The following STPG2 variants were observed in gnomAD, a reference collection of about 807,000 sequenced individuals.
STPG2 encodes the protein sperm tail PG-rich repeat containing 2.
Under a neutral mutation model 54.2 loss-of-function variants are expected in STPG2, and 56 were observed. The observed-to-expected ratio is 1.03, with a 90% CI of 0.83 to 1.29. The LOEUF is 1.29. Ranked by LOEUF, STPG2 falls within the 50% of genes most tolerant of loss-of-function variation. The pLI, the probability that STPG2 is intolerant of heterozygous loss-of-function variation, is 0.00. For synonymous variants in STPG2, 200 were observed against 181.8 expected (o/e 1.10, Z -0.81); for missense variants, 596 against 544.9 (o/e 1.09, Z -0.93).
At chr4:97,905,074 G>A (rs1428747400) in intron 8 of STPG2, among the ~76,000 whole-genome samples, 1 of 151,866 alleles carries the variant, frequency 6.6e-6, no homozygotes, top group African/African-American at 2.4e-5. Context: ...TAGCAAGGCA[G>A]GCCAACATTC....
intron 9 of STPG2, among the ~76,000 whole-genome samples, chr4:97,740,269 C>T (rs918996314): frequency 2.0e-5 from 3 of 152,158 alleles, no homozygotes; most frequent in African/African-American, 7.2e-5. Flanking sequence ...ACTGAATGGG[C>T]AAAAACTGGA....
At chr4:97,784,076 A>G (rs1392249383) in intron 9 of STPG2, among the ~76,000 whole-genome samples, 3 of 151,848 alleles carry the variant, frequency 2.0e-5, no homozygotes, top group South Asian at 2.1e-4. Flanking sequence ...ATTAAAAAAA[A>G]AAAAAGAAAA....
chr4:97,563,001 A>C (rs1441781456), intron 10 of STPG2, among the ~76,000 whole-genome samples: 1 of 152,176 alleles, frequency 6.6e-6, no homozygotes, highest in Non-Finnish European at 1.5e-5. Context: ...TGATAGGAAT[A>C]GTTTCAGAAG....
chr4:97,512,527 A>G (rs1199369304), intron 4 of STPG2, among the ~76,000 whole-genome samples: 1 of 151,944 alleles, frequency 6.6e-6, no homozygotes. Flanking sequence ...TTGTGTTTGA[A>G]GTATGTGAGT....
chr4:97,826,957 C>A (rs942598812), intron 9 of STPG2, among the ~76,000 whole-genome samples: 1 of 152,018 alleles, frequency 6.6e-6, no homozygotes, highest in Non-Finnish European at 1.5e-5. Context: ...TGTTTTGGTC[C>A]CCTTCAAAAG....
intron 8 of STPG2, among the ~76,000 whole-genome samples, chr4:97,890,396 T>G (rs1466038734): frequency 6.6e-6 from 1 of 151,960 alleles, no homozygotes; most frequent in Non-Finnish European, 1.5e-5. Context: ...AAAAGCATGC[T>G]AGCAAAAGAA....
intron 5 of STPG2, among the ~76,000 whole-genome samples, chr4:98,085,852 A>G (rs566888922): frequency 2.8e-4 from 43 of 152,206 alleles, no homozygotes; most frequent in African/African-American, 1.0e-3. Flanking sequence ...GGGTTCTTCA[A>G]GAGTATTAAA....
chr4:97,771,580 G>A (rs1272531666), intron 9 of STPG2, among the ~76,000 whole-genome samples: 5 of 152,316 alleles, frequency 3.3e-5, no homozygotes, highest in South Asian at 2.1e-4. Flanking sequence ...CTAGGCACGT[G>A]AGCATGTAGA....
chr4:97,829,529 G>A (rs1290285982), intron 9 of STPG2, among the ~76,000 whole-genome samples: 2 of 152,132 alleles, frequency 1.3e-5, no homozygotes, highest in African/African-American at 2.4e-5. Flanking sequence ...TGAGTTTGAT[G>A]AATTGACGGA....
chr4:97,671,445 C>T (rs1722692029), intron 10 of STPG2, among the ~76,000 whole-genome samples: 1 of 152,170 alleles, frequency 6.6e-6, no homozygotes, highest in Non-Finnish European at 1.5e-5. Flanking sequence ...CAGTGCTTCC[C>T]AGCAATAAAA....
intron 4 of STPG2, among the ~76,000 whole-genome samples, chr4:97,537,189 C>G (rs1002891934): frequency 6.6e-6 from 1 of 152,088 alleles, no homozygotes; most frequent in South Asian, 2.1e-4. Flanking sequence ...ACCTGTCGGA[C>G]AGTGGGTGCA....
chr4:97,857,944 C>G (rs959230830), intron 8 of STPG2, among the ~76,000 whole-genome samples: 2 of 151,494 alleles, frequency 1.3e-5, no homozygotes, highest in African/African-American at 4.8e-5. Context: ...ATTGATCAAG[C>G]AGAAGGAAAA....
intron 7 of STPG2, among the ~76,000 whole-genome samples, chr4:97,958,377 G>A (rs1228537822): frequency 1.3e-5 from 2 of 151,716 alleles, no homozygotes; most frequent in East Asian, 1.9e-4. Context: ...AAATGGAATA[G>A]TACCTCATAT....
intron 9 of STPG2, among the ~76,000 whole-genome samples, chr4:97,783,818 C>A (rs1294858186): frequency 6.6e-6 from 1 of 151,904 alleles, no homozygotes; most frequent in Non-Finnish European, 1.5e-5. Context: ...TAAACTATCA[C>A]AAGGACAAAA....
intron 8 of STPG2, among the ~76,000 whole-genome samples, chr4:97,904,734 A>G (rs1000168939): frequency 2.0e-5 from 3 of 152,238 alleles, no homozygotes; most frequent in Non-Finnish European, 4.4e-5. Flanking sequence ...ATGTATAACT[A>G]GAATAATCAA....
At chr4:97,631,134 G>T (rs1721264110) in intron 10 of STPG2, among the ~76,000 whole-genome samples, 1 of 151,794 alleles carries the variant, frequency 6.6e-6, no homozygotes, top group African/African-American at 2.4e-5. Context: ...ATTACATTGG[G>T]AAAAAGATTC....
At chr4:98,034,730 A>G (rs1736716629) in intron 5 of STPG2, among the ~76,000 whole-genome samples, 2 of 151,978 alleles carry the variant, frequency 1.3e-5, no homozygotes. Flanking sequence ...AAAACAGCAT[A>G]TTACCGTACC....
At chr4:97,908,877 AG>A (rs71588920) in intron 8 of STPG2, among the ~76,000 whole-genome samples, 1 of 76,484 alleles carries the variant, frequency 1.3e-5, no homozygotes, top group Admixed American at 1.6e-4. Context: ...GGGTTGGGGG[AG>A]GGGGGAGGGA....
At chr4:98,044,550 G>A (rs894904428) in intron 5 of STPG2, among the ~76,000 whole-genome samples, 1 of 152,152 alleles carries the variant, frequency 6.6e-6, no homozygotes, top group African/African-American at 2.4e-5. Context: ...GAGATTTGGG[G>A]TGGGAGAGCA....
Sources: gnomAD v4.1 joint callset for allele counts (sites outside exome capture counted in the v4.1 genomes callset) on GRCh38, gnomAD v4.1.1 for gene constraint, MANE v1.5 for transcripts, NCBI Gene and HGNC (gene_info 2026-07-23, HGNC 2026-07-21) for gene names.